Variants in CHST8 observed in about 807,000 individuals in gnomAD.
The protein encoded by CHST8 is GALNAC-4-ST1.
In CHST8, 10 loss-of-function variants were observed where a neutral mutation model predicts 15.0. The observed-to-expected ratio is 0.67, with a 90% confidence interval of 0.41 to 1.13. CHST8 has a LOEUF of 1.13. Among genes scored for constraint, CHST8 ranks in the 50% most tolerant of loss-of-function variants. CHST8 has a pLI of 0.00. For missense variants in CHST8, 634 were observed against 608.2 expected (o/e 1.04, Z -0.45); for synonymous variants, 259 against 256.6 (o/e 1.01, Z -0.09).
At position 33,760,067 on chromosome 19, in the gene CHST8, T is replaced by A. The variant is rs184144763; in HGVS notation, c.131-11346T>A. On this transcript the variant is annotated intron_variant, in intron 3 of 4. Transcript: ENST00000650847. ...ATCCCCTGGGTCCAGGCCTCAAGAG[T>A]CTCCTGCCTGGATAGTGACAGCAAT... is the stretch of plus-strand genomic sequence containing the variant. Among the ~76,000 whole-genome samples the A allele has an allele frequency of 5.3e-5, 8 of 151,922 alleles. No individual in the cohort carries two copies. The East Asian group carries it at 1.6e-3, about 30-fold the overall frequency.
At chr19:33,656,339 C>A (rs767391336) in intron 1 of CHST8, among the ~76,000 whole-genome samples, 3 of 151,994 alleles carry the variant, frequency 2.0e-5, no homozygotes, top group Non-Finnish European at 2.9e-5. Context: ...ACTGTAACAT[C>A]CCATCAGTTA....
intron 3 of CHST8, among the ~76,000 whole-genome samples, chr19:33,725,036 A>G (rs565571131): frequency 3.1e-4 from 47 of 152,108 alleles, no homozygotes; most frequent in African/African-American, 1.1e-3. Flanking sequence ...TCAGGAGACC[A>G]GCACTGCTGT....
At chr19:33,650,518 C>CTTTTT (rs869057036) in intron 1 of CHST8, among the ~76,000 whole-genome samples, 479 of 36,162 alleles carry the variant, frequency 0.013, 26 homozygotes, top group Non-Finnish European at 0.015. Context: ...TTTTTCTTTT[C>CTTTTT]TTTTTTTTTT....
At position 33,684,238 on chromosome 19, in the gene CHST8, T is replaced by C. The variant is rs995336692; in HGVS notation, c.-86-4938T>C. Among the ~76,000 whole-genome samples, 4 of 152,296 alleles carry C rather than the reference T, an allele frequency of 2.6e-5. No homozygotes were observed. The East Asian group carries it at 7.8e-4, about 30-fold the overall frequency. On this transcript the variant is annotated intron_variant, in intron 2 of 4. Transcript: ENST00000650847. ...GTAATCTCCACCTCGGAACGCCCTT[T>C]CTCCCCGCTGCAGAGCATGGGGCTG...
chr19:33,690,039 C>A (rs1279993105), intron 3 of CHST8, among the ~76,000 whole-genome samples: 6 of 152,100 alleles, frequency 3.9e-5, no homozygotes, highest in African/African-American at 1.4e-4. Flanking sequence ...GGCAAGGTTT[C>A]TGCTGCCGGG....
At chr19:33,689,034 A>G in intron 2 of CHST8, 142 bp from the exon 3 acceptor site, 2 of 399,378 alleles carry the variant, frequency 5.0e-6, no homozygotes, top group Non-Finnish European at 8.7e-6. Flanking sequence ...CTGGGTGTGA[A>G]AGGATGGAAA....
chr19:33,772,027 C>T lies in CHST8; in HGVS notation c.239C>T (p.Ser80Phe), dbSNP rs1316999875. 2.5e-6 allele frequency: 4 copies of T among 1,611,512 alleles called. No individual in the cohort carries two copies. The highest frequency in any genetic ancestry group is 1.3e-5 in the African/African-American group (1 of 74,870). Residue 80 changes from serine (S) to phenylalanine (F), a missense_variant, in exon 5 of 5, where the codon TCC (serine) becomes TTC (phenylalanine). By Grantham distance (155) the Ser-to-Phe change is radical (BLOSUM62 -2). Transcript: ENST00000650847. ...ACAGAGAGGGTCACTCGGGACTTAT[C>T]CAGTGGGGCCCCGAGGGGCCGCAAC... ...EPTERVTRDL[S>F]SGAPRGRNLP...
intron 3 of CHST8, among the ~76,000 whole-genome samples, chr19:33,697,301 G>C (rs1047697593): frequency 6.6e-6 from 1 of 151,962 alleles, no homozygotes; most frequent in Non-Finnish European, 1.5e-5. Context: ...GTGATCTCAG[G>C]TCACTGCAGC....
intron 2 of CHST8, among the ~76,000 whole-genome samples, chr19:33,680,490 G>T (rs375213446): frequency 6.6e-6 from 1 of 152,174 alleles, no homozygotes; most frequent in Non-Finnish European, 1.5e-5. Context: ...CATGGATCAC[G>T]TCAGCCCTCT....
At chr19:33,760,800 T>C (rs1256258479) in intron 3 of CHST8, among the ~76,000 whole-genome samples, 1 of 152,160 alleles carries the variant, frequency 6.6e-6, no homozygotes, top group African/African-American at 2.4e-5. Flanking sequence ...ATGTCAACTG[T>C]CCCACATTGC....
At chr19:33,752,345 T>C (rs1974437413) in intron 3 of CHST8, among the ~76,000 whole-genome samples, 1 of 152,264 alleles carries the variant, frequency 6.6e-6, no homozygotes, top group Non-Finnish European at 1.5e-5. Context: ...CTAAGAGGCT[T>C]AGTCTTCTTT....
At chr19:33,743,532 A>ATTTG (rs1974245317) in intron 3 of CHST8, among the ~76,000 whole-genome samples, 1 of 151,768 alleles carries the variant, frequency 6.6e-6, no homozygotes, top group African/African-American at 2.4e-5. Flanking sequence ...CGATCTCCTG[A>ATTTG]CCTCGTGATC....
intron 2 of CHST8, among the ~76,000 whole-genome samples, chr19:33,676,572 T>TATAATA (rs60796328): frequency 7.3e-5 from 11 of 150,730 alleles, no homozygotes; most frequent in African/African-American, 2.2e-4. Flanking sequence ...TCCATCTCAA[T>TATAATA]ATAATAATAA....
Position 33,727,022 on chromosome 19 carries a change from A to G in CHST8, c.130+37631A>G, listed in dbSNP as rs145598510. 3.1e-3 allele frequency among the ~76,000 whole-genome samples: 476 copies of G among 151,872 alleles called. 2 individuals carry two copies. Among genetic ancestry groups the G allele is most frequent in the African/African-American group, 0.011 (465 of 41,406 alleles). Reference sequence around the variant, plus strand: ...CAGCCCTTCCGTGCCACTTTCGCTGATGCCTGATCCTGAGCCCTCTCCTCC... The same window carrying G: ...CAGCCCTTCCGTGCCACTTTCGCTGGTGCCTGATCCTGAGCCCTCTCCTCC... On this transcript the variant is annotated intron_variant, in intron 3 of 4. Transcript: ENST00000650847.
In CHST8 at chr19:33,709,595, GA is replaced by G. The variant is rs559452045; in HGVS notation, c.130+20206del. On this transcript the variant is annotated intron_variant, in intron 3 of 4. Transcript: ENST00000650847. ...TGTATAATCCTTTTTATATGTTACTGAATTAAGTTTGCTCAAATTTTGTTGT... is the reference window on the plus strand; with the variant it reads ...TGTATAATCCTTTTTATATGTTACTGATTAAGTTTGCTCAAATTTTGTTGT... 4.6e-5 allele frequency among the ~76,000 whole-genome samples: 7 copies of G among 151,096 alleles called. No individual in the cohort carries two copies. The East Asian group carries it at 1.2e-3, about 25-fold the overall frequency.
In CHST8 at chr19:33,765,557, G is replaced by GTGTGTC. The variant is rs1467364267; in HGVS notation, c.131-5856_131-5855insTGTGTC. On this transcript the variant is annotated intron_variant, in intron 3 of 4. Transcript: ENST00000650847. ...TGTGTGTGTGTGTGTGTGTGTGTCA[G>GTGTGTC]AGAGAGAGAGAGAGAGAGAGAGAGA... 5.6e-3 allele frequency among the ~76,000 whole-genome samples: 408 copies of GTGTGTC among 72,482 alleles called. 2 individuals are homozygous for GTGTGTC. Among genetic ancestry groups the GTGTGTC allele is most frequent in the African/African-American group, 0.02 (371 of 18,330 alleles). 47.6% of individuals were successfully genotyped at this position (72,482 alleles called of 152,430 possible). A position where few individuals can be genotyped will look rare whatever the true frequency, so the allele number is the denominator to read the frequency against.
In CHST8 at chr19:33,731,986, G is replaced by A. The variant is rs539914234; in HGVS notation, c.131-39427G>A. Among the ~76,000 whole-genome samples the A allele has an allele frequency of 5.9e-5, 9 of 152,284 alleles. No homozygotes were observed. In the South Asian group the frequency reaches 1.9e-3, roughly 32 times the overall value. On this transcript the variant is annotated intron_variant, in intron 3 of 4. Transcript: ENST00000650847. ...AGAGATTGAGGTGCAAGGGGAGGGA[G>A]TCCCTTAATCCACACACTGCTCACA...
At chr19:33,637,372 G>C (rs985981645) in intron 1 of CHST8, among the ~76,000 whole-genome samples, 4 of 151,670 alleles carry the variant, frequency 2.6e-5, no homozygotes, top group Non-Finnish European at 4.4e-5. Context: ...GATCCCTGTG[G>C]GGTGTGAGAT....
intron 2 of CHST8, among the ~76,000 whole-genome samples, 193 bp from the exon 3 acceptor site, chr19:33,688,983 A>G (rs1181468027): frequency 1.3e-5 from 2 of 152,096 alleles, no homozygotes; most frequent in African/African-American, 4.8e-5. Flanking sequence ...GTGGAAAGCT[A>G]GCATTCCAGC....
Sources: gnomAD v4.1 joint callset for allele counts (sites outside exome capture counted in the v4.1 genomes callset) on GRCh38, gnomAD v4.1.1 for gene constraint, MANE v1.5 for transcripts, NCBI Gene and HGNC (gene_info 2026-07-23, HGNC 2026-07-21) for gene names.